Variants in SESN1 observed in about 807,000 individuals in gnomAD.
SESN1 encodes sestrin-1.
In SESN1, 30 loss-of-function variants were observed where a neutral mutation model predicts 59.3. The observed-to-expected ratio is 0.51, with a 90% CI of 0.38 to 0.69. The LOEUF (loss-of-function observed/expected upper bound fraction) is 0.69. Among genes scored for constraint, SESN1 ranks in the 30% least tolerant of loss-of-function variants. The probability of loss-of-function intolerance (pLI) is 0.00; values close to 1 mark genes in which losing one functional copy is unlikely to be tolerated. For synonymous variants in SESN1, 197 were observed against 219.9 expected, an observed-to-expected ratio of 0.90 and a Z score of 0.92; for missense variants, 566 against 673.0, an observed-to-expected ratio of 0.84 and a Z score of 1.76.
intron 1 of SESN1, among the ~76,000 whole-genome samples, chr6:109,030,781 T>C (rs952658419): frequency 6.6e-6 from 1 of 152,242 alleles, no homozygotes; most frequent in African/African-American, 2.4e-5. Flanking sequence ...ATAGAGTGAC[T>C]TGTACAACTT....
chr6:109,055,282 T>A (rs1336768254), intron 1 of SESN1, among the ~76,000 whole-genome samples: 1 of 152,142 alleles, frequency 6.6e-6, no homozygotes, highest in Non-Finnish European at 1.5e-5. Flanking sequence ...GGGTCCCTAG[T>A]TTTTCAGACT....
chr6:109,040,254 C>T (rs1421725485), intron 1 of SESN1, among the ~76,000 whole-genome samples: 18 of 152,166 alleles, frequency 1.2e-4, no homozygotes, highest in Admixed American at 1.0e-3. Context: ...CAAGTCTCCT[C>T]TCCTTTATAT....
intron 1 of SESN1, among the ~76,000 whole-genome samples, chr6:109,023,565 A>G (rs1780042937): frequency 6.6e-6 from 1 of 152,210 alleles, no homozygotes; most frequent in Non-Finnish European, 1.5e-5. Context: ...TTAAGAGTAC[A>G]TTCTGTCCCA....
chr6:108,999,742 C>T (rs1779575017), intron 4 of SESN1, among the ~76,000 whole-genome samples: 1 of 152,106 alleles, frequency 6.6e-6, no homozygotes, highest in South Asian at 2.1e-4. Flanking sequence ...CGTAGGCTTA[C>T]CGTATTATCC....
intron 1 of SESN1, among the ~76,000 whole-genome samples, chr6:109,060,140 C>T (rs1027835942): frequency 6.6e-6 from 1 of 150,690 alleles, no homozygotes; most frequent in Non-Finnish European, 1.5e-5. Flanking sequence ...CACACACACA[C>T]ATTTATATTA....
At chr6:109,050,589 A>T (rs1018281175) in intron 1 of SESN1, among the ~76,000 whole-genome samples, 1 of 152,192 alleles carries the variant, frequency 6.6e-6, no homozygotes. Context: ...ACATCAAAGC[A>T]GTCTCTAACT....
chr6:109,051,176 A>G (rs1479928502), intron 1 of SESN1, among the ~76,000 whole-genome samples: 1 of 152,140 alleles, frequency 6.6e-6, no homozygotes, highest in African/African-American at 2.4e-5. Context: ...AAAAAAACTC[A>G]TTTCAGAAAT....
intron 1 of SESN1, among the ~76,000 whole-genome samples, chr6:109,013,096 C>T (rs1365879046): frequency 1.5e-5 from 2 of 133,578 alleles, no homozygotes; most frequent in East Asian, 4.2e-4. Flanking sequence ...AGCCTGGCAA[C>T]AGGGAAAAAA....
intron 1 of SESN1, among the ~76,000 whole-genome samples, chr6:109,053,703 T>G (rs1381458196): frequency 6.6e-6 from 1 of 152,196 alleles, no homozygotes; most frequent in Non-Finnish European, 1.5e-5. Flanking sequence ...TTCACTGCTT[T>G]TATCTGAAAT....
At chr6:108,993,569 C>T (rs1165954263) in intron 6 of SESN1, among the ~76,000 whole-genome samples, 2 of 152,156 alleles carry the variant, frequency 1.3e-5, no homozygotes, top group Non-Finnish European at 2.9e-5. Flanking sequence ...TGCTCTTTCT[C>T]CCACTCTATT....
rs775592807 is a variant in SESN1, at chr6:109,000,481, C to T, written c.729+10G>A. 6.6e-7 allele frequency: 1 copy of T among 1,517,520 alleles called. No individual in the cohort carries two copies. The highest frequency in any genetic ancestry group is 8.9e-7 in the Non-Finnish European group (1 of 1,129,438). 94.0% of individuals were successfully genotyped at this position (1,517,520 alleles called of 1,614,324 possible). The stretch of plus-strand genomic sequence containing the variant: ...AAATGACTCCCAAGATATATTACCC[C>T]ACTGCTTACCTCAATGTGTTCTTTG... On this transcript the variant is annotated intron_variant, in intron 4 of 9. Transcript: ENST00000436639.
At chr6:108,994,140 TAAAAAAAAAAAA>T (rs764125940) in intron 6 of SESN1, among the ~76,000 whole-genome samples, 1 of 100,266 alleles carries the variant, frequency 1.0e-5, no homozygotes. Flanking sequence ...CCCTGTTTCT[TAAAAAAAAAAAA>T]AAAAAAAAAA....
At chr6:109,093,686 T>C (rs1781386461) in intron 1 of SESN1, 109 bp downstream of exon 1, 1 of 1,120,924 alleles carries the variant, frequency 8.9e-7, no homozygotes, top group Non-Finnish European at 1.3e-6. Flanking sequence ...TGTAAACTCA[T>C]AATAAAAGTT....
intron 1 of SESN1, among the ~76,000 whole-genome samples, chr6:109,070,594 G>A (rs1489560626): frequency 6.6e-6 from 1 of 152,092 alleles, no homozygotes; most frequent in African/African-American, 2.4e-5. Flanking sequence ...GAAAAGCCTT[G>A]GACTCATTCC....
At chr6:108,992,764 G>A (rs1562453075) in intron 7 of SESN1, 23 bp downstream of exon 7, 1 of 1,365,786 alleles carries the variant, frequency 7.3e-7, no homozygotes. Context: ...AGTCAATCAT[G>A]TGCATACAAG....
intron 1 of SESN1, among the ~76,000 whole-genome samples, chr6:109,054,085 G>T (rs544429490): frequency 1.1e-3 from 170 of 150,026 alleles, no homozygotes; most frequent in African/African-American, 3.3e-3. Context: ...TTAATTTTTT[G>T]GGGGGGGAGG....
At chr6:109,008,761 G>A (rs1462723094) in intron 1 of SESN1, 3 of 984,126 alleles carry the variant, frequency 3.0e-6, no homozygotes, top group Non-Finnish European at 1.2e-6. Flanking sequence ...TCTTTCTAAA[G>A]GACAATTCAG....
At chr6:109,075,346 G>T (rs1217999329) in intron 1 of SESN1, among the ~76,000 whole-genome samples, 1 of 152,136 alleles carries the variant, frequency 6.6e-6, no homozygotes, top group Non-Finnish European at 1.5e-5. Flanking sequence ...TTTGAGTATG[G>T]ACTAAACCTA....
chr6:108,994,187 G>A (rs1032203068), intron 6 of SESN1, among the ~76,000 whole-genome samples: 2 of 146,308 alleles, frequency 1.4e-5, no homozygotes, highest in African/African-American at 5.0e-5. Flanking sequence ...GCACTCATAT[G>A]TTAAGTGACT....
Sources: allele counts gnomAD v4.1 joint callset (sites outside exome capture counted in the v4.1 genomes callset), GRCh38; gene constraint gnomAD v4.1.1; transcripts MANE v1.5; gene names NCBI Gene and HGNC (gene_info 2026-07-23, HGNC 2026-07-21).